The following USP12 variants were observed in gnomAD, a reference collection of about 807,000 sequenced individuals.
The protein encoded by USP12 is ubiquitin carboxyl-terminal hydrolase 12.
In USP12, 19 loss-of-function variants were observed where a neutral mutation model predicts 45.5. The ratio of observed to expected loss-of-function variants is 0.42; its 90% CI spans 0.29 to 0.61. The LOEUF (loss-of-function observed/expected upper bound fraction) is 0.61, where lower values mean the gene tolerates loss of function less well. Among genes scored for constraint, USP12 ranks in the 20% least tolerant of loss-of-function variants. The pLI, the probability that USP12 is intolerant of heterozygous loss-of-function variation, is 0.22. For synonymous variants in USP12, 149 were observed against 148.8 expected (o/e 1.00, Z -0.01); for missense variants, 242 against 447.7 (o/e 0.54, Z 4.15).
In USP12 at chr13:27,129,339, G is replaced by T. The variant is rs1466677668; in HGVS notation, c.49-12743C>A. ...ATTTTCCAGCTATAAAACTGTGGAA[G>T]AACTGAAAACAACTTTTAAGTTCTG... On this transcript the variant is annotated intron_variant, in intron 1 of 8. Coordinates refer to ENST00000282344, the MANE Select transcript of USP12 (RefSeq NM_182488.4). This position sits in a 1 kb window ranked among gnomAD's most constrained non-coding sequence, Gnocchi z 4.0. Among the ~76,000 whole-genome samples the T allele has an allele frequency of 3.3e-5, 5 of 152,194 alleles. No homozygotes were observed. The highest frequency in any genetic ancestry group is 4.8e-5 in the African/African-American group (2 of 41,452).
intron 6 of USP12, among the ~76,000 whole-genome samples, chr13:27,083,606 T>C (rs1343313327): frequency 1.3e-5 from 2 of 152,190 alleles, no homozygotes; most frequent in Non-Finnish European, 2.9e-5. Flanking sequence ...TTTCCCACAC[T>C]GCTATCTTTC....
chr13:27,100,631 C>T (rs1170038), intron 3 of USP12, among the ~76,000 whole-genome samples: 115,999 of 152,052 alleles, frequency 0.76, 45,189 homozygotes, highest in East Asian at 0.95. Context: ...CCGTACAATT[C>T]AAGAACCTTT....
chr13:27,157,347 C>T (rs1311199713), intron 1 of USP12, among the ~76,000 whole-genome samples: 1 of 151,964 alleles, frequency 6.6e-6, no homozygotes, highest in Non-Finnish European at 1.5e-5. Flanking sequence ...TATATAATCC[C>T]GTCATTATAT....
At chr13:27,096,823 A>G (rs2137777279) in intron 3 of USP12, among the ~76,000 whole-genome samples, 1 of 152,334 alleles carries the variant, frequency 6.6e-6, no homozygotes, top group Admixed American at 6.5e-5. Context: ...TAGATCCTCA[A>G]TGTACATTTA....
chr13:27,119,948 G>GA (rs1875909002), intron 1 of USP12, among the ~76,000 whole-genome samples: 1 of 152,364 alleles, frequency 6.6e-6, no homozygotes, highest in African/African-American at 2.4e-5. Flanking sequence ...TTCCTTAACA[G>GA]AAATGATCAG....
chr13:27,095,112 G>A (rs956529561), intron 4 of USP12, among the ~76,000 whole-genome samples: 3 of 152,146 alleles, frequency 2.0e-5, no homozygotes, highest in Admixed American at 6.5e-5. Context: ...CTGAGATTGG[G>A]CCACTGCACT....
At chr13:27,148,676 T>TTTTATATA (rs370385217) in intron 1 of USP12, among the ~76,000 whole-genome samples, 4 of 139,448 alleles carry the variant, frequency 2.9e-5, no homozygotes, top group Non-Finnish European at 4.6e-5. Context: ...AAAAAAAAAA[T>TTTTATATA]TATATATATA....
At chr13:27,127,351 A>G (rs771244000) in intron 1 of USP12, among the ~76,000 whole-genome samples, 1 of 152,234 alleles carries the variant, frequency 6.6e-6, no homozygotes, top group Non-Finnish European at 1.5e-5. Context: ...TATGGTACCA[A>G]TGACATAAAA....
chr13:27,165,941 T>TG (rs1878330058), intron 1 of USP12, among the ~76,000 whole-genome samples: 1 of 152,044 alleles, frequency 6.6e-6, no homozygotes, highest in South Asian at 2.1e-4. Context: ...ATAATAATTT[T>TG]TTAAAAAAGA....
chr13:27,130,107 C>T (rs1381525104), intron 1 of USP12, among the ~76,000 whole-genome samples: 11 of 152,196 alleles, frequency 7.2e-5, no homozygotes, highest in Non-Finnish European at 1.0e-4. Flanking sequence ...TCCCCAGAGG[C>T]GGGCACAGGA....
chr13:27,072,884 T>C (rs73155862), intron 7 of USP12, among the ~76,000 whole-genome samples: 12,345 of 152,226 alleles, frequency 0.081, 581 homozygotes, highest in Middle Eastern at 0.11. Flanking sequence ...CACACTTTCA[T>C]ATGAAGCAAA....
intron 4 of USP12, among the ~76,000 whole-genome samples, chr13:27,093,612 T>C (rs952726971): frequency 6.6e-6 from 1 of 152,202 alleles, no homozygotes; most frequent in Non-Finnish European, 1.5e-5. Context: ...AGACAGAATG[T>C]TGGTTTCTTA....
At chr13:27,114,248 T>C (rs1875605934) in intron 2 of USP12, among the ~76,000 whole-genome samples, 2 of 152,292 alleles carry the variant, frequency 1.3e-5, no homozygotes, top group South Asian at 4.2e-4. Context: ...GCACAGACTA[T>C]ATTACAAGTA....
rs1447978384 is a variant in USP12, at chr13:27,171,093, A to C, written c.48+499T>G. Among the ~76,000 whole-genome samples the C allele has an allele frequency of 8.9e-4, 129 of 144,472 alleles. 2 individuals carry two copies. In the East Asian group the frequency reaches 0.021, roughly 24 times the overall value. The allele number at this position is 144,472 out of a possible 152,430, so 94.8% of individuals were successfully genotyped here. ...CCTTCCTTCCTGCCCGCCGACCCCC[A>C]CCCCTCCCGGGGACCCCTCCCGCTC... On this transcript the variant is annotated intron_variant, in intron 1 of 8. Coordinates refer to ENST00000282344, the MANE Select transcript of USP12 (RefSeq NM_182488.4).
chr13:27,136,743 A>G (rs550672316), intron 1 of USP12, among the ~76,000 whole-genome samples: 1 of 152,324 alleles, frequency 6.6e-6, no homozygotes, highest in South Asian at 2.1e-4. Context: ...TATATGGTCC[A>G]TATGCTCAGG....
At chr13:27,079,458 G>A (rs574074204) in intron 6 of USP12, among the ~76,000 whole-genome samples, 2 of 152,212 alleles carry the variant, frequency 1.3e-5, no homozygotes, top group African/African-American at 4.8e-5. Flanking sequence ...AGCCCAAGGG[G>A]GAGTCCTTCC....
chr13:27,069,861 C>G (rs558930084), intron 8 of USP12, among the ~76,000 whole-genome samples: 1 of 152,262 alleles, frequency 6.6e-6, no homozygotes, highest in South Asian at 2.1e-4. Context: ...GCAGGAGAAT[C>G]GCTTGAACCC....
At position 27,171,631 on chromosome 13, in the gene USP12, G is replaced by A. The variant is rs776290820; in HGVS notation, c.9C>T (p.Ile3=). ME[I]LMTVSKFASI... ...AGGCGAATTTGGAGACTGTCATTAG[G>A]ATTTCCATCCGGCCAGCGCCATCTT... The change falls in exon 1 of 9, where the codon ATC becomes ATT. Residue 3 remains isoleucine (I), a synonymous_variant. Coordinates refer to ENST00000282344, the MANE Select transcript of USP12 (RefSeq NM_182488.4). 2.3e-6 allele frequency: 3 copies of A among 1,297,896 alleles called. No individual in the cohort carries two copies. The highest frequency in any genetic ancestry group is 2.0e-6 in the Non-Finnish European group (2 of 991,430). 80.4% of individuals were successfully genotyped at this position (1,297,896 alleles called of 1,614,324 possible).
chr13:27,130,275 GT>G (rs1461323207), intron 1 of USP12, among the ~76,000 whole-genome samples: 1 of 152,038 alleles, frequency 6.6e-6, no homozygotes, highest in African/African-American at 2.4e-5. Flanking sequence ...AACCTTTCTT[GT>G]TTTTTTCCCT....
Sources: gnomAD v4.1 joint callset for allele counts (sites outside exome capture counted in the v4.1 genomes callset) on GRCh38, gnomAD v4.1.1 for gene constraint, Gnocchi (gnomAD v3.1) non-coding constraint, MANE v1.5 for transcripts, NCBI Gene and HGNC (gene_info 2026-07-23, HGNC 2026-07-21) for gene names.